Variants in ZNF454 observed in about 807,000 individuals in gnomAD.
The protein encoded by ZNF454 is zinc finger protein 454.
ZNF454 carries 30 observed loss-of-function variants against 48.2 expected under a neutral mutation model. That is an observed-to-expected ratio of 0.62 (90% CI 0.47 to 0.84). The LOEUF (loss-of-function observed/expected upper bound fraction) is 0.84, where lower values mean the gene tolerates loss of function less well. Ranked by LOEUF, ZNF454 falls within the 40% of genes least tolerant of loss-of-function variation. ZNF454 has a pLI of 0.00. For synonymous variants in ZNF454, 204 were observed against 211.4 expected (o/e 0.97, Z 0.30); for missense variants, 510 against 623.1 (o/e 0.82, Z 1.93).
chr5:178,959,893 CCG>C (rs1759933319), intron 4 of ZNF454, among the ~76,000 whole-genome samples: 2 of 151,526 alleles, frequency 1.3e-5, no homozygotes, highest in Admixed American at 6.6e-5. Context: ...GCATGAGCCA[CCG>C]TGCCCGGCCC....
chr5:178,982,438 C>T, the ZNF454 span, among the ~76,000 whole-genome samples: 2 of 151,774 alleles, frequency 1.3e-5, no homozygotes, highest in African/African-American at 4.8e-5. Flanking sequence ...ATTGCCCAGG[C>T]GTGGTGGCAG....
chr5:178,971,864 A>G, the ZNF454 span, among the ~76,000 whole-genome samples: 1 of 104,298 alleles, frequency 9.6e-6, no homozygotes, highest in South Asian at 3.2e-4. Context: ...AAAAAAAAAG[A>G]AGAAGAACTG....
At chr5:178,985,701 T>TCAAAA in the ZNF454 span, 10 of 349,332 alleles carry the variant, frequency 2.9e-5, no homozygotes, top group Non-Finnish European at 3.8e-5. Context: ...AGACTCTGTC[T>TCAAAA]AAAAAAAAAA....
the ZNF454 span, among the ~76,000 whole-genome samples, chr5:178,982,486 G>C: frequency 1.4e-5 from 2 of 146,912 alleles, no homozygotes; most frequent in Non-Finnish European, 3.0e-5. Context: ...GCTGAGGCTG[G>C]AGAATCACTT....
Position 178,941,319 on chromosome 5 carries a change from G to C in ZNF454, c.-233G>C, listed in dbSNP as rs976901415. 2 of 450,412 alleles carry C rather than the reference G, an allele frequency of 4.4e-6. No individual in the cohort carries two copies. The highest frequency in any genetic ancestry group is 4.0e-5 in the African/African-American group (2 of 50,036). 27.9% of individuals were successfully genotyped at this position (450,412 alleles called of 1,614,324 possible). Reference sequence around the variant, plus strand: ...GGGCTGACCAGGCACGGTGGTCAAAGCCGCAGAGGGAGAGCGGGAGCGGTC... The same window carrying C: ...GGGCTGACCAGGCACGGTGGTCAAACCCGCAGAGGGAGAGCGGGAGCGGTC... On this transcript the variant is annotated 5_prime_UTR_variant, in exon 1 of 5. Coordinates refer to ENST00000519564, the MANE Select transcript of ZNF454 (RefSeq NM_001178089.3). This position sits in a 1 kb window ranked among gnomAD's most constrained non-coding sequence, Gnocchi z 5.5.
At chr5:178,960,821 T>C (rs1329439079) in intron 4 of ZNF454, among the ~76,000 whole-genome samples, 1 of 151,782 alleles carries the variant, frequency 6.6e-6, no homozygotes, top group Non-Finnish European at 1.5e-5. Context: ...AGCACCTTTC[T>C]TTTGTATGAT....
the ZNF454 span, chr5:178,975,806 G>A: frequency 2.9e-6 from 1 of 345,502 alleles, no homozygotes. Flanking sequence ...GTAGATGTGG[G>A]TAACCTCTAC....
chr5:178,975,739 T>C, the ZNF454 span: 1 of 410,614 alleles, frequency 2.4e-6, no homozygotes, highest in African/African-American at 2.0e-5. Context: ...GGCCAGGCTA[T>C]GGTACTCAGT....
chr5:178,964,416 A>G (rs2113277762), intron 4 of ZNF454, among the ~76,000 whole-genome samples: 1 of 152,240 alleles, frequency 6.6e-6, no homozygotes, highest in Non-Finnish European at 1.5e-5. Flanking sequence ...CACAACGCCC[A>G]GCCACCTGTG....
rs397955241 is a variant in ZNF454, at chr5:178,956,519, GAAAAAAAAA to G, written c.251-8125_251-8117del. 3.6e-5 allele frequency among the ~76,000 whole-genome samples: 4 copies of G among 112,378 alleles called. No homozygotes were observed. In the South Asian group the frequency reaches 9.6e-4, roughly 27 times the overall value. 73.7% of individuals were successfully genotyped at this position (112,378 alleles called of 152,430 possible). ...CAACTTTGTTTTGCTCTCCTGAAAA[GAAAAAAAAA>G]AAAAAAAAAAGCCTCAAGTCTTTTG... On this transcript the variant is annotated intron_variant, in intron 4 of 4. Transcript: ENST00000519564.
chr5:178,981,419 T>TCG, the ZNF454 span: 1 of 498,904 alleles, frequency 2.0e-6, no homozygotes, highest in Non-Finnish European at 3.6e-6. The surrounding 1 kb of genome is among the most constrained non-coding windows in gnomAD (Gnocchi z 5.1). Context: ...CGGTGGCTGT[T>TCG]TCCCACCATG....
the ZNF454 span, chr5:178,987,462 G>C: frequency 2.2e-6 from 1 of 457,008 alleles, no homozygotes; most frequent in Non-Finnish European, 4.4e-6. Context: ...TCACACAATG[G>C]GATGCGATTC....
chr5:178,983,451 C>T, the ZNF454 span: 210 of 693,656 alleles, frequency 3.0e-4, no homozygotes, highest in Admixed American at 1.9e-3. Flanking sequence ...CTGGCAGCTG[C>T]GGAGAAGGGC....
chr5:178,963,284 A>C (rs909099598), intron 4 of ZNF454, among the ~76,000 whole-genome samples: 1 of 151,858 alleles, frequency 6.6e-6, no homozygotes, highest in African/African-American at 2.4e-5. Flanking sequence ...TATTTGGGCC[A>C]GAAGTGGAAG....
chr5:178,981,185 A>T, the ZNF454 span: 1 of 179,818 alleles, frequency 5.6e-6, no homozygotes, highest in Admixed American at 5.5e-5. The surrounding 1 kb of genome is among the most constrained non-coding windows in gnomAD (Gnocchi z 5.1). Context: ...ATCCAGATGC[A>T]CAGCCCCAGG....
At chr5:178,955,840 C>G (rs1759725357) in intron 4 of ZNF454, among the ~76,000 whole-genome samples, 1 of 152,196 alleles carries the variant, frequency 6.6e-6, no homozygotes, top group South Asian at 2.1e-4. Context: ...AATTCAGTTT[C>G]TGTGGCTTTC....
chr5:178,981,803 C>G, the ZNF454 span: 1 of 1,613,168 alleles, frequency 6.2e-7, no homozygotes, highest in Admixed American at 1.7e-5. This position sits in a 1 kb window ranked among gnomAD's most constrained non-coding sequence, Gnocchi z 5.1. Flanking sequence ...CCGAGGGACA[C>G]CGAGGCACTC....
At chr5:178,986,539 C>T in the ZNF454 span, 12 of 1,607,444 alleles carry the variant, frequency 7.5e-6, no homozygotes, top group African/African-American at 6.7e-5. Context: ...AGGTGTGGGG[C>T]GGCAGCCCGT....
the ZNF454 span, chr5:178,985,866 A>C: frequency 1.8e-6 from 1 of 554,858 alleles, no homozygotes; most frequent in Non-Finnish European, 3.3e-6. Flanking sequence ...GGCTCAAGCG[A>C]TCCTCCTATT....
Sources: allele counts gnomAD v4.1 joint callset (sites outside exome capture counted in the v4.1 genomes callset), GRCh38; gene constraint gnomAD v4.1.1; non-coding constraint Gnocchi (gnomAD v3.1); transcripts MANE v1.5; gene names NCBI Gene and HGNC (gene_info 2026-07-23, HGNC 2026-07-21).